HYCC1: variants seen among roughly 807,000 people sequenced by gnomAD.
HYCC1 encodes the protein hyccin PI4KA lipid kinase complex subunit 1.
At chr7:22,903,702 C>G in the HYCC1 span, among the ~76,000 whole-genome samples, 7 of 152,186 alleles carry the variant, frequency 4.6e-5, no homozygotes, top group African/African-American at 1.7e-4. Context: ...ACTGTCTACT[C>G]ATGTTATGAG....
chr7:22,936,370 T>G, the HYCC1 span: 1 of 152,180 alleles, frequency 6.6e-6, no homozygotes, highest in African/African-American at 2.4e-5. Flanking sequence ...AGGCCTGTAT[T>G]GTTGAAGTTC....
the HYCC1 span, chr7:22,945,708 C>G: frequency 6.2e-7 from 1 of 1,613,628 alleles, no homozygotes; most frequent in Non-Finnish European, 8.5e-7. Context: ...AGACTACAAG[C>G]GGAAAACCTA....
At chr7:23,005,120 T>C in the HYCC1 span, among the ~76,000 whole-genome samples, 7 of 152,184 alleles carry the variant, frequency 4.6e-5, no homozygotes, top group African/African-American at 9.7e-5. Context: ...TACTACTTTC[T>C]ACAAGCAGAG....
At chr7:22,992,900 C>G in the HYCC1 span, among the ~76,000 whole-genome samples, 1 of 152,092 alleles carries the variant, frequency 6.6e-6, no homozygotes, top group East Asian at 1.9e-4. Flanking sequence ...GAGGAATATA[C>G]AAGGAACCAA....
At chr7:22,994,897 T>C in the HYCC1 span, among the ~76,000 whole-genome samples, 2 of 152,158 alleles carry the variant, frequency 1.3e-5, no homozygotes, top group Admixed American at 6.6e-5. Context: ...CATAACTCTT[T>C]GTACATCTTC....
the HYCC1 span, among the ~76,000 whole-genome samples, chr7:22,926,105 C>A: frequency 2.6e-5 from 4 of 151,258 alleles, no homozygotes; most frequent in Non-Finnish European, 5.9e-5. Context: ...GAAGGAGAAA[C>A]AAAATACTTT....
chr7:22,902,745 C>T, the HYCC1 span, among the ~76,000 whole-genome samples: 4,709 of 152,050 alleles, frequency 0.031, 106 homozygotes, highest in Non-Finnish European at 0.043. Context: ...ACCCTTTCTT[C>T]AAATCATGTA....
the HYCC1 span, among the ~76,000 whole-genome samples, chr7:22,910,843 G>C: frequency 6.7e-6 from 1 of 149,088 alleles, no homozygotes; most frequent in Non-Finnish European, 1.5e-5. Context: ...TATTTTAAGA[G>C]TATGCTTATT....
At chr7:22,999,494 C>T in the HYCC1 span, among the ~76,000 whole-genome samples, 1 of 152,128 alleles carries the variant, frequency 6.6e-6, no homozygotes, top group Non-Finnish European at 1.5e-5. Flanking sequence ...ATGATTATCA[C>T]ACAATTGCAT....
At chr7:22,996,597 T>TAAAAAAAAAAA in the HYCC1 span, among the ~76,000 whole-genome samples, 1 of 106,554 alleles carries the variant, frequency 9.4e-6, no homozygotes, top group Non-Finnish European at 1.8e-5. Flanking sequence ...GTACAATTGT[T>TAAAAAAAAAAA]AAAAAAAAAA....
the HYCC1 span, among the ~76,000 whole-genome samples, chr7:22,967,994 T>A: frequency 1.9e-4 from 29 of 152,148 alleles, no homozygotes; most frequent in Non-Finnish European, 4.3e-4. Context: ...TCTTTCCCCA[T>A]AAAATCAAGA....
chr7:22,897,734 T>C, the HYCC1 span, among the ~76,000 whole-genome samples: 1 of 151,998 alleles, frequency 6.6e-6, no homozygotes, highest in Non-Finnish European at 1.5e-5. Context: ...AGCTCCCAAG[T>C]AGCTGAGGCT....
the HYCC1 span, among the ~76,000 whole-genome samples, chr7:22,904,237 T>C: frequency 2.0e-5 from 3 of 151,790 alleles, no homozygotes; most frequent in Admixed American, 1.3e-4. Flanking sequence ...CGAGACCATC[T>C]TGGCTAACAC....
chr7:22,950,091 A>G, the HYCC1 span, among the ~76,000 whole-genome samples: 1 of 151,954 alleles, frequency 6.6e-6, no homozygotes, highest in African/African-American at 2.4e-5. Context: ...TTCCCTATAT[A>G]ACTCTGTGAC....
the HYCC1 span, among the ~76,000 whole-genome samples, chr7:23,013,662 G>C: frequency 6.8e-6 from 1 of 146,038 alleles, no homozygotes; most frequent in Non-Finnish European, 1.5e-5. Flanking sequence ...TCCAGGCAGC[G>C]GGCAGGCTGC....
chr7:22,905,883 A>C, the HYCC1 span, among the ~76,000 whole-genome samples: 1 of 152,334 alleles, frequency 6.6e-6, no homozygotes. Flanking sequence ...TAAATTTATG[A>C]AGACATGTGC....
the HYCC1 span, among the ~76,000 whole-genome samples, chr7:22,928,048 C>T: frequency 3.4e-4 from 51 of 152,222 alleles, no homozygotes; most frequent in African/African-American, 8.4e-4. Flanking sequence ...AATCAATAAA[C>T]GTAATCCAGC....
chr7:22,932,738 T>C, the HYCC1 span, among the ~76,000 whole-genome samples: 1 of 152,146 alleles, frequency 6.6e-6, no homozygotes, highest in African/African-American at 2.4e-5. Context: ...GTATTTTGCA[T>C]GTGGGATGAA....
the HYCC1 span, chr7:22,946,245 G>T: frequency 9.0e-7 from 1 of 1,113,586 alleles, no homozygotes; most frequent in Non-Finnish European, 1.3e-6. Context: ...AATCAGTTAT[G>T]CTTTACATAA....
Sources: gnomAD v4.1 joint callset for allele counts (sites outside exome capture counted in the v4.1 genomes callset) on GRCh38, gnomAD v4.1.1 for gene constraint, MANE v1.5 for transcripts, NCBI Gene and HGNC (gene_info 2026-07-23, HGNC 2026-07-21) for gene names.